Variants in ADAM29 observed in about 807,000 individuals in gnomAD.
ADAM29 encodes ADAM metallopeptidase domain 29, also known as disintegrin and metalloproteinase domain-containing protein 29.
For missense variants in ADAM29, 969 were observed against 1,001.8 expected (o/e 0.97, Z 0.44); for synonymous variants, 367 against 342.3 (o/e 1.07, Z -0.80).
chr4:174,975,607 C>T lies in ADAM29; in HGVS notation c.82C>T (p.His28Tyr). 6.2e-7 allele frequency: 1 copy of T among 1,606,238 alleles called. No individual in the cohort carries two copies. ...CATCCAGGATGAGCACCCCCAATAT[C>T]ACAGCCCTCCGGATGTGGTGATTCC... ...GHIQDEHPQY[H>Y]SPPDVVIPVR... The change falls in exon 5 of 5, where the codon CAC becomes TAC. Residue 28 changes from histidine (H) to tyrosine (Y), a missense_variant. His to Tyr is a moderately conservative substitution (Grantham distance 83). Coordinates refer to ENST00000359240, the MANE Select transcript of ADAM29 (RefSeq NM_014269.4).
At chr4:174,948,180 G>T (rs1422156819) in intron 4 of ADAM29, among the ~76,000 whole-genome samples, 2 of 152,094 alleles carry the variant, frequency 1.3e-5, no homozygotes, top group Non-Finnish European at 2.9e-5. Context: ...ATTTCAGCTT[G>T]GTTAAGAACC....
At chr4:174,959,387 C>CT (rs956423997) in intron 4 of ADAM29, among the ~76,000 whole-genome samples, 35 of 149,742 alleles carry the variant, frequency 2.3e-4, no homozygotes, top group African/African-American at 5.9e-4. Flanking sequence ...CCTTCAAGAC[C>CT]TTTTTTTTTG....
intron 2 of ADAM29, chr4:174,923,872 C>A (rs934004231): frequency 4.6e-5 from 7 of 152,510 alleles, no homozygotes; most frequent in African/African-American, 1.7e-4. Flanking sequence ...TCTAAGTTCT[C>A]ACACTCTGCT....
chr4:174,977,642 A>T lies in ADAM29; in HGVS notation c.2117A>T (p.Lys706Met). Reference sequence around the variant, plus strand: ...TGTAAAAAAAGTAAACCAATAAAAAAGCAGCAAGATGTTCAAACTCCATCT... The same window carrying T: ...TGTAAAAAAAGTAAACCAATAAAAATGCAGCAAGATGTTCAAACTCCATCT... The part of the protein sequence containing the change: ...RLCKKSKPIK[K>M]QQDVQTPSAK... The change falls in exon 5 of 5, where the codon AAG (lysine) becomes ATG (methionine). Residue 706 changes from lysine (K) to methionine (M), a missense_variant. By Grantham distance (95) the Lys-to-Met change is moderately conservative. Coordinates refer to ENST00000359240, the MANE Select transcript of ADAM29 (RefSeq NM_014269.4). 1 of 1,614,144 alleles carries T rather than the reference A, an allele frequency of 6.2e-7. No individual in the cohort carries two copies. The highest frequency in any genetic ancestry group is 8.5e-7 in the Non-Finnish European group (1 of 1,180,028).
At chr4:174,938,692 G>A (rs1357625143) in intron 4 of ADAM29, among the ~76,000 whole-genome samples, 1 of 152,082 alleles carries the variant, frequency 6.6e-6, no homozygotes, top group African/African-American at 2.4e-5. Context: ...TATCTTGACT[G>A]GGGCTCAGGA....
intron 4 of ADAM29, among the ~76,000 whole-genome samples, chr4:174,944,746 T>C (rs1316060801): frequency 9.9e-5 from 15 of 152,182 alleles, no homozygotes; most frequent in Admixed American, 9.2e-4. Flanking sequence ...GTGTACTCGA[T>C]GTTTAGCTCC....
At chr4:174,954,380 C>T (rs897952262) in intron 4 of ADAM29, among the ~76,000 whole-genome samples, 9 of 152,120 alleles carry the variant, frequency 5.9e-5, no homozygotes, top group Non-Finnish European at 1.0e-4. Context: ...ACACTGTGGT[C>T]TCTCTCCACT....
At chr4:174,953,443 C>T (rs1238607860) in intron 4 of ADAM29, among the ~76,000 whole-genome samples, 1 of 151,990 alleles carries the variant, frequency 6.6e-6, no homozygotes. Context: ...ATAAAATAAG[C>T]AAAAATAGCA....
intron 4 of ADAM29, among the ~76,000 whole-genome samples, chr4:174,948,582 T>C (rs1170986888): frequency 6.6e-6 from 1 of 152,136 alleles, no homozygotes; most frequent in African/African-American, 2.4e-5. Context: ...ACACTCCAAT[T>C]TCCAGGGGCT....
At chr4:174,962,436 C>A (rs575855145) in intron 4 of ADAM29, among the ~76,000 whole-genome samples, 2 of 149,864 alleles carry the variant, frequency 1.3e-5, no homozygotes, top group South Asian at 4.2e-4. Context: ...GGCGTGAACC[C>A]GGGAAGCAGA....
chr4:174,939,514 C>A (rs1001740617), intron 4 of ADAM29, among the ~76,000 whole-genome samples: 1 of 152,076 alleles, frequency 6.6e-6, no homozygotes, highest in African/African-American at 2.4e-5. Context: ...CAAATAAATG[C>A]CATTTTTATT....
chr4:174,963,817 G>T (rs928713896), intron 4 of ADAM29, among the ~76,000 whole-genome samples: 1 of 152,074 alleles, frequency 6.6e-6, no homozygotes, highest in Admixed American at 6.5e-5. Context: ...GAGTAGCTGG[G>T]ATTACAGGTG....
intron 4 of ADAM29, among the ~76,000 whole-genome samples, chr4:174,954,418 G>A (rs770889751): frequency 2.0e-5 from 3 of 152,018 alleles, no homozygotes; most frequent in East Asian, 1.9e-4. Context: ...CTTTATTCTC[G>A]TTAAGGCTAA....
chr4:174,924,745 A>AT (rs1356969271), intron 2 of ADAM29, among the ~76,000 whole-genome samples: 1 of 152,198 alleles, frequency 6.6e-6, no homozygotes, highest in Non-Finnish European at 1.5e-5. Context: ...GTTATATGAG[A>AT]TTTTAGAAAG....
intron 2 of ADAM29, among the ~76,000 whole-genome samples, chr4:174,927,519 G>C (rs952087979): frequency 6.6e-6 from 1 of 152,082 alleles, no homozygotes; most frequent in Non-Finnish European, 1.5e-5. Context: ...TACATGTTTT[G>C]TTATATTACT....
intron 4 of ADAM29, among the ~76,000 whole-genome samples, chr4:174,961,934 TA>T (rs1287645460): frequency 2.0e-5 from 3 of 152,180 alleles, no homozygotes; most frequent in Non-Finnish European, 2.9e-5. Flanking sequence ...AATTAAGAAT[TA>T]TATAGTGTTC....
chr4:174,978,128 C>A lies in ADAM29; in HGVS notation c.*140C>A. 1.5e-6 allele frequency: 2 copies of A among 1,349,874 alleles called. No homozygotes were observed. Among genetic ancestry groups the A allele is most frequent in the South Asian group, 1.4e-5 (1 of 70,706 alleles). The allele number at this position is 1,349,874 out of a possible 1,614,324, so 83.6% of individuals were successfully genotyped here. ...AGTGGTAAACAAAAGCAATCAGTACCAATTCCAAAAACTGTATCCAGAAAA... is the reference window on the plus strand; with the variant it reads ...AGTGGTAAACAAAAGCAATCAGTACAAATTCCAAAAACTGTATCCAGAAAA... On this transcript the variant is annotated 3_prime_UTR_variant, in exon 5 of 5. Coordinates refer to ENST00000359240, the MANE Select transcript of ADAM29 (RefSeq NM_014269.4).
At chr4:174,962,997 A>T (rs544939008) in intron 4 of ADAM29, among the ~76,000 whole-genome samples, 23 of 152,178 alleles carry the variant, frequency 1.5e-4, no homozygotes, top group Admixed American at 1.5e-3. Flanking sequence ...TCAGAAAATA[A>T]GACAATTAGT....
At chr4:174,948,877 G>A (rs143866283) in intron 4 of ADAM29, among the ~76,000 whole-genome samples, 1,564 of 152,202 alleles carry the variant, frequency 0.01, 8 homozygotes, top group Non-Finnish European at 0.016. Flanking sequence ...AGTTCACATC[G>A]GCGGTGGCAA....
Sources: gnomAD v4.1 joint callset for allele counts (sites outside exome capture counted in the v4.1 genomes callset) on GRCh38, gnomAD v4.1.1 for gene constraint, MANE v1.5 for transcripts, NCBI Gene and HGNC (gene_info 2026-07-23, HGNC 2026-07-21) for gene names.